Variants in CSNK2A2IP observed in about 807,000 individuals in gnomAD.
The protein encoded by CSNK2A2IP is casein kinase 2 subunit alpha' interacting protein, also known as casein kinase II subunit alpha'-interacting protein.
chr3:88,440,916 A>T, the CSNK2A2IP span, among the ~76,000 whole-genome samples: 1 of 152,094 alleles, frequency 6.6e-6, no homozygotes, highest in Non-Finnish European at 1.5e-5. Context: ...TAATGCCATT[A>T]TTAGAATTTC....
the CSNK2A2IP span, among the ~76,000 whole-genome samples, chr3:88,394,631 C>A: frequency 1.3e-5 from 2 of 152,246 alleles, no homozygotes; most frequent in East Asian, 3.8e-4. Flanking sequence ...ACCTTGGCCT[C>A]CCAAAGCACT....
chr3:88,390,857 T>G, the CSNK2A2IP span, among the ~76,000 whole-genome samples: 1 of 152,224 alleles, frequency 6.6e-6, no homozygotes, highest in Non-Finnish European at 1.5e-5. Flanking sequence ...AGAAATCTGA[T>G]GACTATATTT....
chr3:88,353,429 C>T, the CSNK2A2IP span, among the ~76,000 whole-genome samples: 4 of 152,142 alleles, frequency 2.6e-5, no homozygotes, highest in Non-Finnish European at 4.4e-5. Flanking sequence ...TTGTTACTTG[C>T]TTGTTAAAAT....
At chr3:88,340,348 A>G in the CSNK2A2IP span, among the ~76,000 whole-genome samples, 1 of 152,012 alleles carries the variant, frequency 6.6e-6, no homozygotes, top group South Asian at 2.1e-4. Flanking sequence ...TTTAGGATTT[A>G]TAGCACTTAA....
At chr3:88,342,643 A>T in the CSNK2A2IP span, among the ~76,000 whole-genome samples, 4 of 151,780 alleles carry the variant, frequency 2.6e-5, no homozygotes, top group African/African-American at 9.7e-5. Context: ...TTTTGTCAAA[A>T]AGAAAGCAAG....
the CSNK2A2IP span, among the ~76,000 whole-genome samples, chr3:88,446,317 T>C: frequency 3.9e-5 from 6 of 152,090 alleles, no homozygotes; most frequent in Middle Eastern, 3.4e-3. Flanking sequence ...CTCGAACTCC[T>C]GACCTTGTGA....
the CSNK2A2IP span, among the ~76,000 whole-genome samples, chr3:88,448,021 A>G: frequency 6.6e-6 from 1 of 152,178 alleles, no homozygotes; most frequent in South Asian, 2.1e-4. Context: ...TTTTCTTTAT[A>G]CCTAAAATAT....
the CSNK2A2IP span, among the ~76,000 whole-genome samples, chr3:88,428,427 G>A: frequency 6.6e-6 from 1 of 152,112 alleles, no homozygotes; most frequent in African/African-American, 2.4e-5. Context: ...TAAAATGTGA[G>A]GACATGAGAT....
the CSNK2A2IP span, among the ~76,000 whole-genome samples, chr3:88,340,092 G>A: frequency 6.6e-6 from 1 of 152,092 alleles, no homozygotes; most frequent in South Asian, 2.1e-4. Context: ...CCAAGAAAGA[G>A]CTTGGGTTTA....
At chr3:88,353,102 G>A in the CSNK2A2IP span, among the ~76,000 whole-genome samples, 1 of 152,058 alleles carries the variant, frequency 6.6e-6, no homozygotes, top group Admixed American at 6.6e-5. Context: ...ATACTGCTTT[G>A]CGTATCATAC....
chr3:88,393,908 G>A, the CSNK2A2IP span, among the ~76,000 whole-genome samples: 1 of 152,146 alleles, frequency 6.6e-6, no homozygotes, highest in Non-Finnish European at 1.5e-5. Flanking sequence ...GGGTTGGAGA[G>A]CTGAAATGAC....
chr3:88,371,512 GAAATAA>G, the CSNK2A2IP span, among the ~76,000 whole-genome samples: 1 of 151,652 alleles, frequency 6.6e-6, no homozygotes, highest in East Asian at 1.9e-4. Flanking sequence ...ACAAAGGGCA[GAAATAA>G]AAATAAAGAA....
At chr3:88,357,520 C>G in the CSNK2A2IP span, among the ~76,000 whole-genome samples, 16 of 152,070 alleles carry the variant, frequency 1.1e-4, no homozygotes, top group African/African-American at 3.9e-4. Flanking sequence ...GTTTGATCTC[C>G]AACTTTGTTC....
the CSNK2A2IP span, among the ~76,000 whole-genome samples, chr3:88,384,486 A>T: frequency 6.6e-6 from 1 of 152,158 alleles, no homozygotes; most frequent in Non-Finnish European, 1.5e-5. Context: ...GGCAGGAGTG[A>T]GGAGAAAAAA....
the CSNK2A2IP span, among the ~76,000 whole-genome samples, chr3:88,420,743 T>G: frequency 1.3e-5 from 2 of 152,198 alleles, no homozygotes; most frequent in Middle Eastern, 3.4e-3. Context: ...GTATGTTATT[T>G]GGTTTATGAC....
chr3:88,407,059 A>G, the CSNK2A2IP span, among the ~76,000 whole-genome samples: 11 of 152,280 alleles, frequency 7.2e-5, no homozygotes, highest in South Asian at 2.3e-3. Context: ...CCCACCCTCA[A>G]GTAGACCACA....
chr3:88,356,800 G>A, the CSNK2A2IP span, among the ~76,000 whole-genome samples: 7 of 152,066 alleles, frequency 4.6e-5, no homozygotes, highest in Middle Eastern at 3.2e-3. Context: ...TTTTAACTGG[G>A]CTGACATAAT....
the CSNK2A2IP span, among the ~76,000 whole-genome samples, chr3:88,363,796 A>C: frequency 3.3e-5 from 5 of 152,178 alleles, no homozygotes; most frequent in Admixed American, 1.3e-4. Flanking sequence ...CCACTGATGC[A>C]AGACCTTTCT....
chr3:88,348,906 T>A, the CSNK2A2IP span, among the ~76,000 whole-genome samples: 1 of 152,010 alleles, frequency 6.6e-6, no homozygotes, highest in Non-Finnish European at 1.5e-5. Flanking sequence ...TTCTTTTATG[T>A]TTTTTTCTTT....
Sources: gnomAD v4.1 joint callset for allele counts (sites outside exome capture counted in the v4.1 genomes callset) on GRCh38, gnomAD v4.1.1 for gene constraint, MANE v1.5 for transcripts, NCBI Gene and HGNC (gene_info 2026-07-23, HGNC 2026-07-21) for gene names.